SLC35F1: variants seen among roughly 807,000 people sequenced by gnomAD.
The protein encoded by SLC35F1 is chromosome 6 open reading frame 169.
In SLC35F1, 14 loss-of-function variants were observed where a neutral mutation model predicts 48.7. The observed-to-expected ratio is 0.29, with a 90% CI of 0.19 to 0.45. The LOEUF (loss-of-function observed/expected upper bound fraction) is 0.45, where lower values mean the gene tolerates loss of function less well. SLC35F1 is among the 20% of genes least tolerant of loss of function. The pLI, the probability that SLC35F1 is intolerant of heterozygous loss-of-function variation, is 1.00. For synonymous variants in SLC35F1, 190 were observed against 202.2 expected, an observed-to-expected ratio of 0.94 and a Z score of 0.51; for missense variants, 404 against 500.0, an observed-to-expected ratio of 0.81 and a Z score of 1.83.
chr6:118,078,228 G>A (rs577178499), intron 1 of SLC35F1, among the ~76,000 whole-genome samples: 32 of 152,132 alleles, frequency 2.1e-4, no homozygotes, highest in Admixed American at 7.9e-4. Context: ...CAAAAAGTAC[G>A]TTCCCACATA....
intron 2 of SLC35F1, among the ~76,000 whole-genome samples, chr6:118,229,429 C>T (rs1775260932): frequency 6.6e-6 from 1 of 152,090 alleles, no homozygotes; most frequent in South Asian, 2.1e-4. Flanking sequence ...ACTAGCACTC[C>T]AGTATGACAG....
chr6:117,962,540 A>G (rs1180497758), intron 1 of SLC35F1, among the ~76,000 whole-genome samples: 1 of 152,148 alleles, frequency 6.6e-6, no homozygotes, highest in Non-Finnish European at 1.5e-5. Context: ...GGGGTCTTAT[A>G]TAATCATCTG....
At chr6:118,013,299 T>G (rs1218304192) in intron 1 of SLC35F1, among the ~76,000 whole-genome samples, 1 of 152,128 alleles carries the variant, frequency 6.6e-6, no homozygotes, top group Non-Finnish European at 1.5e-5. Context: ...CATTCTTGGT[T>G]GGGGAGGGTG....
intron 2 of SLC35F1, among the ~76,000 whole-genome samples, chr6:118,199,740 A>G (rs1774849147): frequency 6.6e-6 from 1 of 152,190 alleles, no homozygotes; most frequent in African/African-American, 2.4e-5. Flanking sequence ...TAGTATTTCT[A>G]TGGACAGTAA....
intron 1 of SLC35F1, among the ~76,000 whole-genome samples, chr6:118,057,072 A>C (rs1772473321): frequency 6.6e-6 from 1 of 152,160 alleles, no homozygotes; most frequent in African/African-American, 2.4e-5. Flanking sequence ...GTAATGAGAT[A>C]ATTGCATTTG....
chr6:118,254,995 C>A (rs1272473247), intron 3 of SLC35F1, among the ~76,000 whole-genome samples: 2 of 152,146 alleles, frequency 1.3e-5, no homozygotes. Flanking sequence ...CACCCCCAAC[C>A]AGTGACCATT....
chr6:118,072,000 T>A (rs1772738239), intron 1 of SLC35F1, among the ~76,000 whole-genome samples: 1 of 152,234 alleles, frequency 6.6e-6, no homozygotes, highest in African/African-American at 2.4e-5. Flanking sequence ...ATATTATTGC[T>A]TTGCTAATTT....
chr6:118,219,168 C>T (rs1447355942), intron 2 of SLC35F1, among the ~76,000 whole-genome samples: 2 of 151,896 alleles, frequency 1.3e-5, no homozygotes, highest in East Asian at 3.9e-4. Flanking sequence ...TAAAATGTCC[C>T]CAATAGAACA....
Position 118,317,379 on chromosome 6 carries a change from C to T in SLC35F1, c.*3127C>T, listed in dbSNP as rs1205618806. The stretch of plus-strand genomic sequence containing the variant: ...CTTGTGCTATTAACCTTTTGACAAG[C>T]GTGTAGTATTGTTTGTTTTGGGTTT... On this transcript the variant is annotated 3_prime_UTR_variant, in exon 8 of 8. Transcript: ENST00000360388. The T allele has an allele frequency of 1.3e-5, 2 of 152,148 alleles. No homozygotes were observed. Among genetic ancestry groups the T allele is most frequent in the Admixed American group, 6.5e-5 (1 of 15,280 alleles). 9.4% of individuals were successfully genotyped at this position (152,148 alleles called of 1,614,324 possible).
At chr6:118,268,026 T>C (rs753930523) in intron 4 of SLC35F1, among the ~76,000 whole-genome samples, 1 of 152,178 alleles carries the variant, frequency 6.6e-6, no homozygotes, top group Non-Finnish European at 1.5e-5. Context: ...GGAAATTAGA[T>C]GATAAAGAGT....
At chr6:117,939,741 T>G (rs931150474) in intron 1 of SLC35F1, among the ~76,000 whole-genome samples, 2 of 152,186 alleles carry the variant, frequency 1.3e-5, no homozygotes, top group African/African-American at 4.8e-5. Flanking sequence ...AGTGAAAGGT[T>G]ATGCTTTTTT....
chr6:118,121,325 G>A (rs989184492), intron 1 of SLC35F1, among the ~76,000 whole-genome samples: 3 of 152,180 alleles, frequency 2.0e-5, no homozygotes, highest in African/African-American at 7.2e-5. Context: ...CTGAAAACAC[G>A]TTGTAATCTA....
intron 2 of SLC35F1, among the ~76,000 whole-genome samples, chr6:118,227,671 AGT>A (rs1775235896): frequency 5.3e-5 from 1 of 18,850 alleles, no homozygotes; most frequent in African/African-American, 1.5e-4. Flanking sequence ...TCTTACATTG[AGT>A]AATTAATTTG....
At chr6:118,146,275 T>C (rs954585820) in intron 1 of SLC35F1, among the ~76,000 whole-genome samples, 1 of 151,950 alleles carries the variant, frequency 6.6e-6, no homozygotes, top group Non-Finnish European at 1.5e-5. Flanking sequence ...TTATGGCTGG[T>C]GCTTACTTCA....
chr6:118,088,448 G>A (rs2114337424), intron 1 of SLC35F1, among the ~76,000 whole-genome samples: 1 of 152,292 alleles, frequency 6.6e-6, no homozygotes, highest in East Asian at 1.9e-4. Context: ...TAGCCCATTT[G>A]AAAGAATTAT....
chr6:118,035,682 A>ATTTTTTTTTT (rs745704672), intron 1 of SLC35F1, among the ~76,000 whole-genome samples: 1 of 87,302 alleles, frequency 1.1e-5, no homozygotes, highest in Non-Finnish European at 2.1e-5. Flanking sequence ...GGCTTTGTTA[A>ATTTTTTTTTT]TTTTTTTTTT....
chr6:118,208,237 G>A lies in SLC35F1; in HGVS notation c.350-27272G>A, dbSNP rs188237946. Among the ~76,000 whole-genome samples, 28 of 152,282 alleles carry A rather than the reference G, an allele frequency of 1.8e-4. No individual in the cohort carries two copies. The East Asian group carries it at 2.1e-3, about 12-fold the overall frequency. On this transcript the variant is annotated intron_variant, in intron 2 of 7. Coordinates refer to ENST00000360388, the MANE Select transcript of SLC35F1 (RefSeq NM_001029858.4). The stretch of plus-strand genomic sequence containing the variant: ...GGGCTGGAGCACCAGGATAAGGCAC[G>A]TCCTATATGACCAGTGGGTACCCTC...
chr6:118,084,218 TA>T (rs1424369437), intron 1 of SLC35F1, among the ~76,000 whole-genome samples: 3 of 152,306 alleles, frequency 2.0e-5, no homozygotes, highest in African/African-American at 7.2e-5. Flanking sequence ...CCTAACTTTA[TA>T]AAGTCCCATG....
At chr6:118,106,136 C>T (rs1189915155) in intron 1 of SLC35F1, among the ~76,000 whole-genome samples, 1 of 152,164 alleles carries the variant, frequency 6.6e-6, no homozygotes, top group Non-Finnish European at 1.5e-5. Context: ...AAACCTATGA[C>T]TGGTACCTGT....
Sources: gnomAD v4.1 joint callset for allele counts (sites outside exome capture counted in the v4.1 genomes callset) on GRCh38, gnomAD v4.1.1 for gene constraint, MANE v1.5 for transcripts, NCBI Gene and HGNC (gene_info 2026-07-23, HGNC 2026-07-21) for gene names.